Variants in KIF18A observed in about 807,000 individuals in gnomAD.
KIF18A encodes the protein kinesin-like protein KIF18A.
KIF18A carries 67 observed loss-of-function variants against 103.3 expected under a neutral mutation model. The observed-to-expected ratio is 0.65, with a 90% CI of 0.53 to 0.79. KIF18A has a LOEUF of 0.79. Ranked by LOEUF, KIF18A falls within the 30% of genes least tolerant of loss-of-function variation. KIF18A has a pLI of 0.00. For missense variants in KIF18A, 1,032 were observed against 1,062.5 expected (o/e 0.97, Z 0.40); for synonymous variants, 367 against 355.5 (o/e 1.03, Z -0.36).
chr11:28,077,031 C>A lies in KIF18A; in HGVS notation c.1401G>T (p.Met467Ile). Residue 467 changes from methionine (M) to isoleucine (I), a missense_variant, in exon 10 of 17, where the codon ATG becomes ATT. Transcript: ENST00000263181. ...QQQCHKQIEM[M>I]CSEDKVEKAT... ...CCTTTTCTACTTTGTCTTCAGAACA[C>A]ATCATTTCTATTTGTTTATGGCACT... 6.5e-7 allele frequency: 1 copy of A among 1,538,036 alleles called. No individual in the cohort carries two copies. Among genetic ancestry groups the A allele is most frequent in the Non-Finnish European group, 8.8e-7 (1 of 1,141,062 alleles).
At chr11:28,085,812 G>A (rs1264278578) in intron 6 of KIF18A, among the ~76,000 whole-genome samples, 6 of 152,142 alleles carry the variant, frequency 3.9e-5, no homozygotes, top group Middle Eastern at 3.4e-3. Context: ...CTCCGCACAC[G>A]GGGAGGACAC....
rs554034851 is a variant in KIF18A at position 28,027,352 on chromosome 11, T to C, written c.2505-3502A>G. On this transcript the variant is annotated intron_variant, in intron 15 of 16. Coordinates refer to ENST00000263181, the MANE Select transcript of KIF18A (RefSeq NM_031217.4). ...TATATTTAAGATTTTTCCTTATCTT[T>C]AGTTTTTAGTTGTTTTACTACTATA... 1.6e-3 allele frequency among the ~76,000 whole-genome samples: 245 copies of C among 152,064 alleles called. 1 individual carries two copies. The highest frequency in any genetic ancestry group is 3.4e-3 in the Non-Finnish European group (229 of 67,860).
chr11:28,103,225 G>A (rs1269378809), intron 1 of KIF18A, among the ~76,000 whole-genome samples: 2 of 151,762 alleles, frequency 1.3e-5, no homozygotes, highest in East Asian at 3.9e-4. Context: ...CTAAAACTTT[G>A]TGAGCACCAA....
intron 10 of KIF18A, among the ~76,000 whole-genome samples, chr11:28,074,820 G>C (rs940243582): frequency 1.3e-4 from 20 of 152,076 alleles, no homozygotes; most frequent in African/African-American, 4.8e-4. Flanking sequence ...TTACTTATAA[G>C]ATAAAGCTTT....
At chr11:28,099,043 C>T (rs781154023) in intron 1 of KIF18A, among the ~76,000 whole-genome samples, 6 of 152,180 alleles carry the variant, frequency 3.9e-5, no homozygotes, top group East Asian at 3.9e-4. Context: ...CTGCCATGTT[C>T]GCTACAACAT....
chr11:28,023,633 G>T (rs1475636435), intron 16 of KIF18A, 108 bp downstream of exon 16: 2 of 537,112 alleles, frequency 3.7e-6, no homozygotes, highest in African/African-American at 1.9e-5. Context: ...CATAGTAAAG[G>T]TGATGAATAA....
At chr11:28,078,037 C>T (rs1851117978) in intron 9 of KIF18A, among the ~76,000 whole-genome samples, 1 of 152,040 alleles carries the variant, frequency 6.6e-6, no homozygotes, top group South Asian at 2.1e-4. Context: ...AGTCATAGAT[C>T]AGCTCTGAGC....
intron 15 of KIF18A, among the ~76,000 whole-genome samples, chr11:28,032,123 C>T (rs117447129): frequency 0.017 from 2,554 of 151,200 alleles, 47 homozygotes; most frequent in Middle Eastern, 0.037. Context: ...AAAGTAATCC[C>T]CTTTACAAAA....
In KIF18A at chr11:28,090,603, T is replaced by C. The variant is rs1481548064; in HGVS notation, c.699+14A>G. The stretch of plus-strand genomic sequence containing the variant: ...AAATCCAATTTTAAGAGTGATAGTC[T>C]AGTGGCCTCTTACTTGGAAAACAGC... On this transcript the variant is annotated intron_variant, in intron 5 of 16. Coordinates refer to ENST00000263181, the MANE Select transcript of KIF18A (RefSeq NM_031217.4). 4 of 1,289,968 alleles carry C rather than the reference T, an allele frequency of 3.1e-6. No individual in the cohort carries two copies. Among genetic ancestry groups the C allele is most frequent in the Non-Finnish European group, 4.5e-6 (4 of 888,192 alleles). 79.9% of individuals were successfully genotyped at this position (1,289,968 alleles called of 1,614,324 possible). A position where few individuals can be genotyped will look rare whatever the true frequency, so the allele number is the denominator to read the frequency against.
At chr11:28,055,370 C>G (rs1037061511) in intron 13 of KIF18A, among the ~76,000 whole-genome samples, 4 of 152,154 alleles carry the variant, frequency 2.6e-5, no homozygotes, top group African/African-American at 7.2e-5. Flanking sequence ...TGAAAAATTA[C>G]AGGTGAGTAT....
At position 28,062,347 on chromosome 11, in the gene KIF18A, T is replaced by C. The variant is rs546560539; in HGVS notation, c.1712+48A>G. On this transcript the variant is annotated intron_variant, in intron 12 of 16. Coordinates refer to ENST00000263181, the MANE Select transcript of KIF18A (RefSeq NM_031217.4). ...GCAGTGGAAAATTGAACTTCTGTGC[T>C]TCAGATATAGTGTTAAAATTGGAAA... is the stretch of plus-strand genomic sequence containing the variant. The C allele has an allele frequency of 2.1e-5, 31 of 1,509,392 alleles. 1 individual carries two copies. In the African/African-American group the frequency reaches 3.7e-4, roughly 18 times the overall value. The allele number at this position is 1,509,392 out of a possible 1,614,324, so 93.5% of individuals were successfully genotyped here. A position where few individuals can be genotyped will look rare whatever the true frequency, so the allele number is the denominator to read the frequency against.
At chr11:28,039,845 G>A (rs1850537415) in intron 13 of KIF18A, among the ~76,000 whole-genome samples, 1 of 151,670 alleles carries the variant, frequency 6.6e-6, no homozygotes, top group South Asian at 2.1e-4. Flanking sequence ...CCTAGAAGAA[G>A]AGATGCTACA....
At position 28,088,544 on chromosome 11, in the gene KIF18A, T is replaced by C. The variant is rs1028998529; in HGVS notation, c.877A>G (p.Asn293Asp). The C allele has an allele frequency of 1.4e-5, 23 of 1,613,898 alleles. No homozygotes were observed. Among genetic ancestry groups the C allele is most frequent in the Non-Finnish European group, 1.9e-5 (22 of 1,179,812 alleles). Residue 293 changes from asparagine to aspartate, a missense_variant, in exon 6 of 17, where the codon AAT (asparagine) becomes GAT (aspartate). By Grantham distance (23) the Asn-to-Asp change is conservative. Coordinates refer to ENST00000263181, the MANE Select transcript of KIF18A (RefSeq NM_031217.4). Reference sequence around the variant, plus strand: ...CCTACCTTTGAATCTGCTAAGGCATTGATGACATTCCCAAGAGCTAAAAGT... The same window carrying C: ...CCTACCTTTGAATCTGCTAAGGCATCGATGACATTCCCAAGAGCTAAAAGT... ...RSLLALGNVI[N>D]ALADSKRKNQ...
chr11:28,082,508 CTAAA>C, intron 9 of KIF18A, among the ~76,000 whole-genome samples: 1 of 152,200 alleles, frequency 6.6e-6, no homozygotes, highest in Admixed American at 6.5e-5. Flanking sequence ...TAAAGTATGT[CTAAA>C]ATTAAAGCAA....
At chr11:28,035,992 C>CT (rs965342048) in intron 14 of KIF18A, among the ~76,000 whole-genome samples, 42 of 151,528 alleles carry the variant, frequency 2.8e-4, no homozygotes, top group African/African-American at 9.7e-4. Flanking sequence ...CTTAAGGTCT[C>CT]TCCTAGACTA....
chr11:28,104,310 C>T (rs1238221443), intron 1 of KIF18A, among the ~76,000 whole-genome samples: 1 of 152,104 alleles, frequency 6.6e-6, no homozygotes, highest in East Asian at 1.9e-4. Flanking sequence ...CTATAAATTC[C>T]ACATATGGCC....
chr11:28,058,136 G>C (rs995035659), intron 13 of KIF18A, among the ~76,000 whole-genome samples: 4 of 151,940 alleles, frequency 2.6e-5, no homozygotes, highest in African/African-American at 4.8e-5. Flanking sequence ...TCTTAACTAA[G>C]ATTATATGTT....
At chr11:28,047,448 A>G (rs1173458276) in intron 13 of KIF18A, among the ~76,000 whole-genome samples, 2 of 152,182 alleles carry the variant, frequency 1.3e-5, no homozygotes, top group Non-Finnish European at 2.9e-5. Flanking sequence ...CTACTTTAAA[A>G]GAGTGGTCCT....
chr11:28,023,927 C>A, intron 15 of KIF18A, 77 bp from the exon 16 acceptor site: 1 of 604,002 alleles, frequency 1.7e-6, no homozygotes, highest in Non-Finnish European at 2.9e-6. Flanking sequence ...GTACATGCGA[C>A]AATGATTAAA....
Sources: gnomAD v4.1 joint callset for allele counts (sites outside exome capture counted in the v4.1 genomes callset) on GRCh38, gnomAD v4.1.1 for gene constraint, MANE v1.5 for transcripts, NCBI Gene and HGNC (gene_info 2026-07-23, HGNC 2026-07-21) for gene names.